Variants in UGGT2 observed in about 807,000 individuals in gnomAD.
The protein encoded by UGGT2 is UDP-glucose glycoprotein glucosyltransferase 2.
A neutral mutation model predicts 192.1 loss-of-function variants in UGGT2; 180 were observed. The observed-to-expected ratio is 0.94, with a 90% confidence interval of 0.83 to 1.06. The LOEUF (loss-of-function observed/expected upper bound fraction) is 1.06, where lower values mean the gene tolerates loss of function less well. UGGT2 is among the 50% of genes least tolerant of loss of function. The pLI is 0.00. For missense variants in UGGT2, 1,849 were observed against 1,795.7 expected, an observed-to-expected ratio of 1.03 and a Z score of -0.54; for synonymous variants, 580 against 591.0, an observed-to-expected ratio of 0.98 and a Z score of 0.27.
At chr13:96,009,798 C>T (rs1486567752) in intron 5 of UGGT2, among the ~76,000 whole-genome samples, 1 of 151,018 alleles carries the variant, frequency 6.6e-6, no homozygotes, top group Non-Finnish European at 1.5e-5. Flanking sequence ...TAGAGCAAGA[C>T]TCTGTCTAAA....
intron 26 of UGGT2, among the ~76,000 whole-genome samples, chr13:95,885,487 C>T (rs1834661269): frequency 6.6e-6 from 1 of 152,170 alleles, no homozygotes; most frequent in African/African-American, 2.4e-5. Flanking sequence ...CACAGAAGAG[C>T]CACAGAGAGA....
chr13:95,890,867 A>T lies in UGGT2; in HGVS notation c.2953T>A (p.Leu985Met). Residue 985 changes from leucine to methionine, a missense_variant, in exon 25 of 39, where the codon TTG becomes ATG. Coordinates refer to ENST00000376747, the MANE Select transcript of UGGT2 (RefSeq NM_020121.4). ...TCTAATTTATATTATCTTACAACCA[A>T]CAACTGTGCCATTTTCTGTGCTTCT... ...TREAQKMAQL[L>M]VVLGKIINMK... 4 of 1,609,978 alleles carry T rather than the reference A, an allele frequency of 2.5e-6. No homozygotes were observed. Among genetic ancestry groups the T allele is most frequent in the Non-Finnish European group, 3.4e-6 (4 of 1,177,914 alleles).
At chr13:95,932,044 G>A (rs778930722) in intron 17 of UGGT2, among the ~76,000 whole-genome samples, 12 of 152,172 alleles carry the variant, frequency 7.9e-5, no homozygotes, top group Non-Finnish European at 1.5e-4. Flanking sequence ...TGGCTATTTG[G>A]GCTCTTTTCT....
chr13:95,961,960 G>A (rs936477443), intron 12 of UGGT2, among the ~76,000 whole-genome samples: 4 of 151,936 alleles, frequency 2.6e-5, no homozygotes, highest in African/African-American at 7.2e-5. Context: ...ACAAACACAT[G>A]GAAATTAAAC....
chr13:95,995,974 G>C (rs756744847), intron 7 of UGGT2, 89 bp downstream of exon 7: 11 of 1,105,746 alleles, frequency 9.9e-6, no homozygotes, highest in Non-Finnish European at 1.5e-5. Context: ...TAAAAGAAAG[G>C]TGAAGCATAT....
At chr13:95,940,156 T>A (rs745590856) in intron 15 of UGGT2, 65 bp from the exon 16 acceptor site, 4 of 1,239,732 alleles carry the variant, frequency 3.2e-6, no homozygotes, top group Non-Finnish European at 4.3e-6. Context: ...TTTTTTTCCT[T>A]AGCATGCAGA....
chr13:96,019,437 T>C (rs1023755788), intron 4 of UGGT2, among the ~76,000 whole-genome samples: 8 of 152,120 alleles, frequency 5.3e-5, no homozygotes, highest in African/African-American at 1.7e-4. Flanking sequence ...AGTAAGTAAG[T>C]TGCCCTTTGT....
chr13:95,893,444 A>C (rs2047858700), intron 24 of UGGT2, among the ~76,000 whole-genome samples: 1 of 152,184 alleles, frequency 6.6e-6, no homozygotes, highest in African/African-American at 2.4e-5. Context: ...ATACAGATAT[A>C]ACTATGGAAG....
At chr13:95,880,893 G>A (rs573609149) in intron 27 of UGGT2, among the ~76,000 whole-genome samples, 7 of 152,272 alleles carry the variant, frequency 4.6e-5, no homozygotes, top group African/African-American at 1.7e-4. Flanking sequence ...AACAAAACAT[G>A]GCCGAGTGCA....
chr13:96,030,812 T>C (rs924535403), intron 2 of UGGT2, among the ~76,000 whole-genome samples: 2 of 152,200 alleles, frequency 1.3e-5, no homozygotes, highest in Admixed American at 6.5e-5. Context: ...GAGGAAGATA[T>C]ACGTATATAT....
chr13:95,929,064 C>G (rs946571523), intron 17 of UGGT2, among the ~76,000 whole-genome samples: 1 of 152,060 alleles, frequency 6.6e-6, no homozygotes, highest in Admixed American at 6.5e-5. Context: ...CGTGGCGGCG[C>G]GCGCCTGCAA....
chr13:95,863,483 C>A (rs1355469713), intron 31 of UGGT2, 146 bp downstream of exon 31: 1 of 627,188 alleles, frequency 1.6e-6, no homozygotes, highest in South Asian at 2.0e-5. Flanking sequence ...CTATCTTGTA[C>A]ACAGTAGTAA....
chr13:95,970,041 C>T (rs573473662), intron 12 of UGGT2, 71 bp downstream of exon 12: 12 of 1,447,818 alleles, frequency 8.3e-6, no homozygotes, highest in African/African-American at 5.7e-5. Context: ...TCAGGCCTGC[C>T]GATACTTCAT....
At chr13:95,946,848 GATA>G (rs1339049115) in intron 15 of UGGT2, among the ~76,000 whole-genome samples, 186 bp downstream of exon 15, 1 of 152,124 alleles carries the variant, frequency 6.6e-6, no homozygotes, top group Non-Finnish European at 1.5e-5. Context: ...ATAATGTGAG[GATA>G]ATATGTACTT....
chr13:95,947,597 C>T (rs1386662471), intron 14 of UGGT2, among the ~76,000 whole-genome samples: 5 of 151,896 alleles, frequency 3.3e-5, no homozygotes, highest in African/African-American at 1.2e-4. Flanking sequence ...ACTATAGGTG[C>T]GCACCACCAC....
intron 1 of UGGT2, among the ~76,000 whole-genome samples, chr13:96,033,173 T>C (rs776613449): frequency 1.1e-4 from 17 of 152,200 alleles, no homozygotes; most frequent in Non-Finnish European, 2.2e-4. Flanking sequence ...TCCATGCTCA[T>C]GGATAGGAAG....
At chr13:95,912,966 T>C (rs1294225183) in intron 20 of UGGT2, among the ~76,000 whole-genome samples, 1 of 152,136 alleles carries the variant, frequency 6.6e-6, no homozygotes, top group African/African-American at 2.4e-5. Flanking sequence ...TTGACAAATC[T>C]GACAAAAACA....
rs1359303554 is a variant in UGGT2, at chr13:96,053,392, CT to C, written c.-81del. 4 of 1,508,770 alleles carry C rather than the reference CT, an allele frequency of 2.7e-6. No homozygotes were observed. The highest frequency in any genetic ancestry group is 3.5e-6 in the Non-Finnish European group (4 of 1,137,264). 93.5% of individuals were successfully genotyped at this position (1,508,770 alleles called of 1,614,324 possible). On this transcript the variant is annotated 5_prime_UTR_variant, in exon 1 of 39. Coordinates refer to ENST00000376747, the MANE Select transcript of UGGT2 (RefSeq NM_020121.4). ...GCCACGCTTCGGCCGGCTCTTCCCGCTGCGCGGCTGCCCACTTCCGGTGGGA... is the reference window on the plus strand; with the variant it reads ...GCCACGCTTCGGCCGGCTCTTCCCGCGCGCGGCTGCCCACTTCCGGTGGGA...
At chr13:96,046,716 T>C (rs1278299879) in intron 1 of UGGT2, among the ~76,000 whole-genome samples, 1 of 152,192 alleles carries the variant, frequency 6.6e-6, no homozygotes, top group African/African-American at 2.4e-5. Context: ...TTCCCTTTCC[T>C]AGCCAAGGGA....
Sources: allele counts gnomAD v4.1 joint callset (sites outside exome capture counted in the v4.1 genomes callset), GRCh38; gene constraint gnomAD v4.1.1; transcripts MANE v1.5; gene names NCBI Gene and HGNC (gene_info 2026-07-23, HGNC 2026-07-21).